SNX6: variants seen among roughly 807,000 people sequenced by gnomAD.
SNX6 encodes sorting nexin-6.
In SNX6, 34 loss-of-function variants were observed where a neutral mutation model predicts 63.0. The observed-to-expected ratio is 0.54, with a 90% confidence interval of 0.41 to 0.72. SNX6 has a LOEUF of 0.72. SNX6 is among the 30% of genes least tolerant of loss of function. SNX6 has a pLI of 0.00. For missense variants in SNX6, 398 were observed against 471.4 expected, an observed-to-expected ratio of 0.84 and a Z score of 1.44; for synonymous variants, 170 against 164.2, an observed-to-expected ratio of 1.04 and a Z score of -0.27.
chr14:34,607,015 T>G (rs1160535669), intron 4 of SNX6, among the ~76,000 whole-genome samples: 1 of 151,686 alleles, frequency 6.6e-6, no homozygotes, highest in African/African-American at 2.4e-5. Flanking sequence ...CCTGACCTCA[T>G]GATCCACCCG....
At position 34,611,482 on chromosome 14, in the gene SNX6, G is replaced by GA. The variant is rs1257317713; in HGVS notation, c.55-1741dup. Among the ~76,000 whole-genome samples, 419 of 133,026 alleles carry GA rather than the reference G, an allele frequency of 3.1e-3. 3 individuals carry two copies. Among genetic ancestry groups the GA allele is most frequent in the African/African-American group, 9.2e-3 (338 of 36,564 alleles). 87.3% of individuals were successfully genotyped at this position (133,026 alleles called of 152,430 possible). A position where few individuals can be genotyped will look rare whatever the true frequency, so the allele number is the denominator to read the frequency against. ...ATAGAGCCAAACCCTGTCTCAAAAA[G>GA]AAAAAAAAAAAGGGGGGGAGGCCGG... On this transcript the variant is annotated intron_variant, in intron 2 of 13. Coordinates refer to ENST00000362031, the MANE Select transcript of SNX6 (RefSeq NM_152233.4).
At position 34,629,889 on chromosome 14, in the gene SNX6, A is replaced by G; in HGVS notation, c.54+18T>C. 1 of 1,555,572 alleles carries G rather than the reference A, an allele frequency of 6.4e-7. No individual in the cohort carries two copies. The highest frequency in any genetic ancestry group is 8.7e-7 in the Non-Finnish European group (1 of 1,149,798). ...GGAGGGTCCAGGGTCCCGCGAGCGA[A>G]AGGAAGGCAGAACTTACTCCGCGGT... On this transcript the variant is annotated intron_variant, in intron 2 of 13. Coordinates refer to ENST00000362031, the MANE Select transcript of SNX6 (RefSeq NM_152233.4).
chr14:34,597,544 T>A lies in SNX6; in HGVS notation c.612+6A>T. 6.6e-7 allele frequency: 1 copy of A among 1,524,266 alleles called. No homozygotes were observed. The highest frequency in any genetic ancestry group is 9.0e-7 in the Non-Finnish European group (1 of 1,106,202). The allele number at this position is 1,524,266 out of a possible 1,614,324, so 94.4% of individuals were successfully genotyped here. A position where few individuals can be genotyped will look rare whatever the true frequency, so the allele number is the denominator to read the frequency against. On this transcript the variant is annotated splice_donor_region_variant and intron_variant, in intron 7 of 13. Transcript: ENST00000362031. ...TAATACCACAGTTAATCAAATAAAA[T>A]CTTACCTTTACTCCTGAAACGATTA...
chr14:34,611,030 G>C (rs1883207252), intron 2 of SNX6, among the ~76,000 whole-genome samples: 1 of 152,018 alleles, frequency 6.6e-6, no homozygotes, highest in South Asian at 2.1e-4. Flanking sequence ...TTTTGAGACA[G>C]GGTCTCAAAA....
chr14:34,603,620 G>A, intron 5 of SNX6, 149 bp from the exon 6 acceptor site: 1 of 603,840 alleles, frequency 1.7e-6, no homozygotes, highest in Non-Finnish European at 2.6e-6. Context: ...GTTTTTAGTT[G>A]AACTGTTAAT....
chr14:34,623,568 G>A (rs1038910818), intron 2 of SNX6, among the ~76,000 whole-genome samples: 5 of 152,100 alleles, frequency 3.3e-5, no homozygotes, highest in African/African-American at 1.2e-4. Flanking sequence ...CTAAGGAGAG[G>A]TACTGCTACT....
intron 3 of SNX6, 45 bp downstream of exon 3, chr14:34,609,593 T>C (rs767336680): frequency 1.6e-6 from 2 of 1,231,066 alleles, no homozygotes; most frequent in African/African-American, 1.5e-5. Context: ...ACATATGTAG[T>C]ATAATAAATG....
intron 11 of SNX6, among the ~76,000 whole-genome samples, chr14:34,571,124 C>T (rs1216783087): frequency 6.6e-6 from 1 of 151,724 alleles, no homozygotes; most frequent in African/African-American, 2.4e-5. Context: ...AAGAAATGAG[C>T]TATCAAGCCA....
At chr14:34,570,817 G>A (rs577781482) in intron 11 of SNX6, among the ~76,000 whole-genome samples, 1 of 148,022 alleles carries the variant, frequency 6.8e-6, no homozygotes, top group East Asian at 2.1e-4. Context: ...TCTGCCTCCC[G>A]GGTTCATGCC....
At chr14:34,607,855 C>A (rs1027172594) in intron 4 of SNX6, among the ~76,000 whole-genome samples, 175 bp downstream of exon 4, 1 of 152,074 alleles carries the variant, frequency 6.6e-6, no homozygotes, top group Non-Finnish European at 1.5e-5. Context: ...TTGCAGTGAG[C>A]CGAGACTGCG....
At position 34,606,174 on chromosome 14, in the gene SNX6, CA is replaced by C. The variant is rs946424153; in HGVS notation, c.271-458del. On this transcript the variant is annotated intron_variant, in intron 4 of 13. Coordinates refer to ENST00000362031, the MANE Select transcript of SNX6 (RefSeq NM_152233.4). ...GGGTGATAGAGGAAGACCCTGTCTC[CA>C]AAAAAAAAAAGTTATCTAATCTTTT... Among the ~76,000 whole-genome samples, 1,111 of 129,250 alleles carry C rather than the reference CA, an allele frequency of 8.6e-3. 5 individuals are homozygous for C. Among genetic ancestry groups the C allele is most frequent in the African/African-American group, 0.015 (522 of 34,862 alleles). 84.8% of individuals were successfully genotyped at this position (129,250 alleles called of 152,430 possible).
At chr14:34,611,172 T>C (rs1883212248) in intron 2 of SNX6, among the ~76,000 whole-genome samples, 1 of 152,134 alleles carries the variant, frequency 6.6e-6, no homozygotes, top group Admixed American at 6.6e-5. Context: ...TTGTAGTTTT[T>C]GGTAGAGAAG....
chr14:34,567,790 G>C lies in SNX6; in HGVS notation c.1082-19C>G, dbSNP rs374475021. 1 of 1,611,836 alleles carries C rather than the reference G, an allele frequency of 6.2e-7. No individual in the cohort carries two copies. The highest frequency in any genetic ancestry group is 8.5e-7 in the Non-Finnish European group (1 of 1,178,236). On this transcript the variant is annotated intron_variant, in intron 12 of 13. Coordinates refer to ENST00000362031, the MANE Select transcript of SNX6 (RefSeq NM_152233.4). Reference sequence around the variant, plus strand: ...ATAAGTTCTGTGAAAAAGAAATTAGGATTATTTAATTTACATAATAGTCAT... The same window carrying C: ...ATAAGTTCTGTGAAAAAGAAATTAGCATTATTTAATTTACATAATAGTCAT...
chr14:34,622,569 C>CAAAA (rs35554563), intron 2 of SNX6, among the ~76,000 whole-genome samples: 2 of 99,666 alleles, frequency 2.0e-5, no homozygotes, highest in African/African-American at 3.8e-5. Flanking sequence ...GGCAATAGAG[C>CAAAA]AAAAAAAAAA....
chr14:34,605,812 A>C, intron 4 of SNX6, 95 bp from the exon 5 acceptor site: 4 of 1,453,846 alleles, frequency 2.8e-6, no homozygotes, highest in Non-Finnish European at 3.7e-6. Context: ...GGGAAAGCTA[A>C]GGGGATCCAG....
At chr14:34,573,987 G>T (rs1033047760) in intron 11 of SNX6, among the ~76,000 whole-genome samples, 1 of 151,746 alleles carries the variant, frequency 6.6e-6, no homozygotes, top group East Asian at 2.0e-4. Flanking sequence ...ATAAAAAAGC[G>T]TATTTTTGTT....
intron 11 of SNX6, among the ~76,000 whole-genome samples, chr14:34,572,757 T>G (rs777707334): frequency 3.3e-5 from 5 of 152,176 alleles, no homozygotes; most frequent in Non-Finnish European, 7.4e-5. Context: ...CTCGGCTCAC[T>G]GCAAGCTCCG....
At chr14:34,605,403 AATT>A in intron 5 of SNX6, 190 bp downstream of exon 5, 1 of 400,182 alleles carries the variant, frequency 2.5e-6, no homozygotes, top group African/African-American at 2.1e-5. Context: ...CAGTGGAAAC[AATT>A]ATTCTATAAT....
intron 13 of SNX6, among the ~76,000 whole-genome samples, chr14:34,566,521 TA>T (rs1401371242): frequency 1.3e-5 from 2 of 152,244 alleles, no homozygotes; most frequent in African/African-American, 4.8e-5. Flanking sequence ...GCCTAATTTT[TA>T]AATGTTTTTA....
Sources: allele counts gnomAD v4.1 joint callset (sites outside exome capture counted in the v4.1 genomes callset), GRCh38; gene constraint gnomAD v4.1.1; transcripts MANE v1.5; gene names NCBI Gene and HGNC (gene_info 2026-07-23, HGNC 2026-07-21).